ZFHX3: variants seen among roughly 807,000 people sequenced by gnomAD.
ZFHX3 encodes zinc finger homeobox 3.
Under a neutral mutation model 279.1 loss-of-function variants are expected in ZFHX3, and 42 were observed. The observed-to-expected ratio is 0.15, with a 90% CI of 0.12 to 0.19. The LOEUF (loss-of-function observed/expected upper bound fraction) is 0.19. ZFHX3 is among the 10% of genes least tolerant of loss of function. ZFHX3 has a pLI of 1.00. For missense variants in ZFHX3, 4,981 were observed against 4,754.0 expected (o/e 1.05, Z -1.40); for synonymous variants, 2,293 against 1,957.8 (o/e 1.17, Z -4.52).
chr16:73,764,684 A>G (rs1412256806), intron 1 of ZFHX3, among the ~76,000 whole-genome samples: 1 of 152,188 alleles, frequency 6.6e-6, no homozygotes, highest in Non-Finnish European at 1.5e-5. Flanking sequence ...AAGGTATAGA[A>G]AAGGAACAAC....
At chr16:73,507,915 A>G (rs1186025981) in intron 2 of ZFHX3, among the ~76,000 whole-genome samples, 1 of 152,214 alleles carries the variant, frequency 6.6e-6, no homozygotes. Flanking sequence ...TTGTGAGATT[A>G]GAATCGATTA....
rs1370914372 is a variant in ZFHX3, at chr16:73,745,066, T to A, written c.-1607-64826A>T. ...TTGACAACCTCTCAGAAATGAGTGA[T>A]ACAGTTGCTGCAGTGTCCAAAAAAG... On this transcript the variant is annotated intron_variant, in intron 1 of 17. Coordinates refer to the ZFHX3 transcript ENST00000641206. Among the ~76,000 whole-genome samples the A allele has an allele frequency of 1.3e-5, 2 of 152,204 alleles. 1 individual carries two copies. The highest frequency in any genetic ancestry group is 4.8e-5 in the African/African-American group (2 of 41,460).
intron 6 of ZFHX3, among the ~76,000 whole-genome samples, chr16:73,133,257 T>C (rs9888834): frequency 0.82 from 125,350 of 152,190 alleles, 52,007 homozygotes; most frequent in Middle Eastern, 0.92. Context: ...CGTGGTGGCT[T>C]ACGCCAGTAA....
At chr16:73,101,756 A>C (rs1966234044) in intron 7 of ZFHX3, among the ~76,000 whole-genome samples, 1 of 150,622 alleles carries the variant, frequency 6.6e-6, no homozygotes. Flanking sequence ...CTGCTTCTTG[A>C]CTTCTTTATT....
intron 1 of ZFHX3, among the ~76,000 whole-genome samples, chr16:73,035,601 A>C (rs1451257052): frequency 2.0e-5 from 3 of 152,194 alleles, no homozygotes; most frequent in African/African-American, 7.2e-5. Flanking sequence ...AAAAATAATA[A>C]TAGGCCAGGC....
intron 6 of ZFHX3, 61 bp downstream of exon 6, chr16:72,811,844 G>C (rs746257394): frequency 1.0e-4 from 74 of 711,956 alleles, no homozygotes; most frequent in Non-Finnish European, 1.7e-4. Flanking sequence ...CCAAAAGTTT[G>C]TTCCCTACCA....
intron 2 of ZFHX3, among the ~76,000 whole-genome samples, chr16:73,528,832 C>G (rs1692418183): frequency 6.6e-6 from 1 of 152,184 alleles, no homozygotes; most frequent in Non-Finnish European, 1.5e-5. Flanking sequence ...GGGAATCACA[C>G]ACAGGACTGC....
chr16:73,413,750 G>A (rs1011624109), intron 3 of ZFHX3, among the ~76,000 whole-genome samples: 1 of 152,146 alleles, frequency 6.6e-6, no homozygotes, highest in African/African-American at 2.4e-5. Context: ...TAGGGGCATT[G>A]TTCATGTTAT....
At position 73,084,227 on chromosome 16, in the gene ZFHX3, T is replaced by C. The variant is rs112091586; in HGVS notation, c.-533+9008A>G. Among the ~76,000 whole-genome samples, 1,145 of 152,264 alleles carry C rather than the reference T, an allele frequency of 7.5e-3. 19 individuals are homozygous for C. Among genetic ancestry groups the C allele is most frequent in the African/African-American group, 0.027 (1,108 of 41,542 alleles). On this transcript the variant is annotated intron_variant, in intron 8 of 17. Transcript: ENST00000641206. ...TTCACCATTTTTATTCTTGACAAAG[T>C]TGAAGTCCTAGCCAGAGAAATTAGG...
At chr16:73,727,472 A>T (rs2053528925) in intron 1 of ZFHX3, among the ~76,000 whole-genome samples, 1 of 152,296 alleles carries the variant, frequency 6.6e-6, no homozygotes, top group South Asian at 2.1e-4. Context: ...TCACCTACAG[A>T]CTGTTTTAAA....
intron 2 of ZFHX3, among the ~76,000 whole-genome samples, chr16:73,625,443 C>T (rs547199158): frequency 6.6e-6 from 1 of 152,300 alleles, no homozygotes; most frequent in East Asian, 1.9e-4. Flanking sequence ...GTGCCTTTCT[C>T]AATTGGGATT....
chr16:72,974,608 C>A (rs1486744464), intron 1 of ZFHX3, among the ~76,000 whole-genome samples: 2 of 152,008 alleles, frequency 1.3e-5, no homozygotes, highest in African/African-American at 4.8e-5. Flanking sequence ...CACACAGCCT[C>A]TCACCAACAC....
At chr16:73,089,964 C>T (rs1966052646) in intron 8 of ZFHX3, among the ~76,000 whole-genome samples, 2 of 152,226 alleles carry the variant, frequency 1.3e-5, no homozygotes, top group South Asian at 4.1e-4. Context: ...CACAAAATAC[C>T]TACCTGTGAT....
chr16:72,920,334 A>T (rs1256388264), intron 3 of ZFHX3, among the ~76,000 whole-genome samples: 1 of 152,108 alleles, frequency 6.6e-6, no homozygotes, highest in Non-Finnish European at 1.5e-5. Flanking sequence ...ACAGCCACCA[A>T]CAGGGTACAT....
intron 1 of ZFHX3, among the ~76,000 whole-genome samples, chr16:73,751,294 T>C (rs974062577): frequency 1.3e-5 from 2 of 152,198 alleles, no homozygotes; most frequent in Non-Finnish European, 2.9e-5. Flanking sequence ...CTGAGTACAA[T>C]GTTTTGAATA....
At chr16:73,834,301 G>C (rs961306945) in intron 1 of ZFHX3, among the ~76,000 whole-genome samples, 30 of 152,188 alleles carry the variant, frequency 2.0e-4, no homozygotes, top group African/African-American at 7.0e-4. Flanking sequence ...AGTGGTAAGA[G>C]CAACAGATGA....
chr16:72,787,289 C>T lies in ZFHX3; in HGVS notation c.10987G>A (p.Glu3663Lys). 1.9e-6 allele frequency: 3 copies of T among 1,614,022 alleles called. No individual in the cohort carries two copies. Among genetic ancestry groups the T allele is most frequent in the Non-Finnish European group, 2.5e-6 (3 of 1,180,012 alleles). The change falls in exon 10 of 10, where the codon GAG becomes AAG. Residue 3663 changes from glutamate to lysine, a missense_variant. Coordinates refer to ENST00000268489, the MANE Select transcript of ZFHX3 (RefSeq NM_006885.4). The part of the protein sequence containing the change: ...PSMPTDDYSE[E>K]SDTDLSQKSD... ...TTTTGGCTGAGATCCGTGTCAGACTCCTCCGAATAGTCGTCTGTTGGCATC... is the reference window on the plus strand; with the variant it reads ...TTTTGGCTGAGATCCGTGTCAGACTTCTCCGAATAGTCGTCTGTTGGCATC...
chr16:72,881,903 T>G (rs1259622758), intron 4 of ZFHX3, among the ~76,000 whole-genome samples: 2 of 152,176 alleles, frequency 1.3e-5, no homozygotes, highest in African/African-American at 4.8e-5. Context: ...GTTTCAGATT[T>G]TCAAGTTTCT....
At chr16:72,815,255 A>G (rs991585419) in intron 5 of ZFHX3, among the ~76,000 whole-genome samples, 4 of 152,078 alleles carry the variant, frequency 2.6e-5, no homozygotes, top group Admixed American at 6.5e-5. Flanking sequence ...AAAAATTACA[A>G]AAATTAGCCA....
Sources: gnomAD v4.1 joint callset for allele counts (sites outside exome capture counted in the v4.1 genomes callset) on GRCh38, gnomAD v4.1.1 for gene constraint, MANE v1.5 for transcripts, NCBI Gene and HGNC (gene_info 2026-07-23, HGNC 2026-07-21) for gene names.